The following EEA1 variants were observed in gnomAD, a reference collection of about 807,000 sequenced individuals.
EEA1 encodes the protein early endosome antigen 1, 162kD.
EEA1 carries 111 observed loss-of-function variants against 209.2 expected under a neutral mutation model. That is an observed-to-expected ratio of 0.53 (90% confidence interval 0.45 to 0.62). EEA1 has a LOEUF of 0.62. Among genes scored for constraint, EEA1 ranks in the 20% least tolerant of loss-of-function variants. EEA1 has a pLI of 0.00. For synonymous variants in EEA1, 536 were observed against 540.6 expected (o/e 0.99, Z 0.12); for missense variants, 1,343 against 1,530.8 (o/e 0.88, Z 2.05).
At chr12:92,886,893 G>A (rs1003607210) in intron 2 of EEA1, among the ~76,000 whole-genome samples, 2 of 151,940 alleles carry the variant, frequency 1.3e-5, no homozygotes, top group Admixed American at 1.3e-4. Flanking sequence ...AGCTACTCGG[G>A]AGGCTGAGAC....
chr12:92,808,306 A>G (rs1875311730), intron 18 of EEA1, among the ~76,000 whole-genome samples: 1 of 151,772 alleles, frequency 6.6e-6, no homozygotes, highest in Non-Finnish European at 1.5e-5. Context: ...AGATCCACAG[A>G]TACACAGAAT....
At chr12:92,908,066 T>A (rs938751205) in intron 1 of EEA1, among the ~76,000 whole-genome samples, 2 of 152,158 alleles carry the variant, frequency 1.3e-5, no homozygotes, top group African/African-American at 4.8e-5. Context: ...CTAAAACATG[T>A]AAATAATCCA....
chr12:92,783,873 A>G (rs2136652033), intron 22 of EEA1, among the ~76,000 whole-genome samples: 1 of 152,184 alleles, frequency 6.6e-6, no homozygotes, highest in African/African-American at 2.4e-5. Context: ...GTAATTTAGC[A>G]AAGGATCCTT....
rs1298768525 is a variant in EEA1 at position 92,891,615 on chromosome 12, T to A, written c.117+14A>T. The A allele has an allele frequency of 1.9e-6, 3 of 1,554,690 alleles. No homozygotes were observed. The highest frequency in any genetic ancestry group is 1.4e-5 in the African/African-American group (1 of 72,840). On this transcript the variant is annotated intron_variant, in intron 2 of 28. Transcript: ENST00000322349. ...TTAATATTGAATTTTATTGCCAAGTTATTATTTTCATACCTCTGAAGAGCT... is the reference window on the plus strand; with the variant it reads ...TTAATATTGAATTTTATTGCCAAGTAATTATTTTCATACCTCTGAAGAGCT...
chr12:92,858,838 A>C, intron 3 of EEA1: 1 of 752,106 alleles, frequency 1.3e-6, no homozygotes, highest in Non-Finnish European at 2.4e-6. Flanking sequence ...CAGACTTGTT[A>C]TTGGTGTGCC....
chr12:92,776,733 G>A (rs927717366), intron 28 of EEA1, 111 bp downstream of exon 28: 1 of 1,022,916 alleles, frequency 9.8e-7, no homozygotes, highest in Non-Finnish European at 1.5e-6. Flanking sequence ...AAAGTTTACT[G>A]ATAAACAGAA....
chr12:92,907,545 C>T (rs1387029528), intron 1 of EEA1, among the ~76,000 whole-genome samples: 1 of 152,158 alleles, frequency 6.6e-6, no homozygotes, highest in South Asian at 2.1e-4. Flanking sequence ...TTCTCCATCT[C>T]CTTGGCCACT....
chr12:92,873,536 C>T (rs1454362629), intron 2 of EEA1, among the ~76,000 whole-genome samples: 1 of 152,184 alleles, frequency 6.6e-6, no homozygotes, highest in African/African-American at 2.4e-5. Context: ...AGATCATTGA[C>T]ATTGACAACA....
At chr12:92,887,944 T>A (rs1592759125) in intron 2 of EEA1, among the ~76,000 whole-genome samples, 1 of 150,536 alleles carries the variant, frequency 6.6e-6, no homozygotes, top group East Asian at 2.0e-4. Context: ...TCAAGCAGGA[T>A]TAAACACACA....
intron 16 of EEA1, among the ~76,000 whole-genome samples, chr12:92,811,770 A>C (rs1875523896): frequency 6.6e-6 from 1 of 151,958 alleles, no homozygotes; most frequent in South Asian, 2.1e-4. Flanking sequence ...TTCAATGTTC[A>C]AGACACCAAT....
At chr12:92,827,353 C>A (rs1324346445) in intron 12 of EEA1, among the ~76,000 whole-genome samples, 3 of 151,514 alleles carry the variant, frequency 2.0e-5, no homozygotes, top group Non-Finnish European at 4.4e-5. Flanking sequence ...GACCCTGTCT[C>A]AAAAACAAAT....
intron 10 of EEA1, among the ~76,000 whole-genome samples, chr12:92,842,011 G>C (rs191042219): frequency 1.5e-3 from 234 of 152,220 alleles, no homozygotes; most frequent in African/African-American, 5.6e-3. Flanking sequence ...ACAACAAAAT[G>C]TTATTCAGCC....
At chr12:92,903,175 G>C (rs1880225837) in intron 1 of EEA1, among the ~76,000 whole-genome samples, 1 of 151,580 alleles carries the variant, frequency 6.6e-6, no homozygotes, top group African/African-American at 2.4e-5. Flanking sequence ...CTGACCTCGT[G>C]ATCCGCCCAC....
intron 9 of EEA1, among the ~76,000 whole-genome samples, chr12:92,850,171 T>C (rs918845767): frequency 6.6e-6 from 1 of 152,188 alleles, no homozygotes; most frequent in African/African-American, 2.4e-5. Flanking sequence ...AGGAACAATT[T>C]ATTCTGTGTA....
At chr12:92,894,802 A>C (rs1879797471) in intron 1 of EEA1, among the ~76,000 whole-genome samples, 3 of 149,296 alleles carry the variant, frequency 2.0e-5, no homozygotes, top group Non-Finnish European at 4.5e-5. Flanking sequence ...GATCTAGCTA[A>C]GATAATTGAT....
Position 92,831,450 on chromosome 12 carries a change from T to C in EEA1, c.1254+1062A>G, listed in dbSNP as rs542416168. 6.7e-5 allele frequency among the ~76,000 whole-genome samples: 10 copies of C among 149,774 alleles called. No individual in the cohort carries two copies. The South Asian group carries it at 1.7e-3, about 25-fold the overall frequency. On this transcript the variant is annotated intron_variant, in intron 11 of 28. Transcript: ENST00000322349. ...AATACTTTTGTGTAGGTAAATAATG[T>C]AGTTCAAAATATGAGCTATATAGGT...
chr12:92,897,529 A>G (rs1413478695), intron 1 of EEA1, among the ~76,000 whole-genome samples: 1 of 152,200 alleles, frequency 6.6e-6, no homozygotes, highest in Admixed American at 6.5e-5. Context: ...CAGGCCCTTG[A>G]GCTGCTGCTC....
chr12:92,866,599 C>CCT (rs1439382421), intron 2 of EEA1, among the ~76,000 whole-genome samples: 1 of 152,016 alleles, frequency 6.6e-6, no homozygotes, highest in Non-Finnish European at 1.5e-5. Flanking sequence ...TCATTGACCT[C>CCT]CTCCTCTTCT....
chr12:92,854,027 A>T, intron 5 of EEA1, 73 bp from the exon 6 acceptor site: 1 of 1,214,486 alleles, frequency 8.2e-7, no homozygotes. Context: ...GTCAATGTTA[A>T]AAAATCTCTG....
Sources: gnomAD v4.1 joint callset for allele counts (sites outside exome capture counted in the v4.1 genomes callset) on GRCh38, gnomAD v4.1.1 for gene constraint, MANE v1.5 for transcripts, NCBI Gene and HGNC (gene_info 2026-07-23, HGNC 2026-07-21) for gene names.